Variants in SGCD observed in about 807,000 individuals in gnomAD.
SGCD encodes the protein sarcoglycan delta, also known as delta-sarcoglycan.
Under a neutral mutation model 36.6 loss-of-function variants are expected in SGCD, and 18 were observed. That is an observed-to-expected ratio of 0.49 (90% CI 0.34 to 0.73). The LOEUF (loss-of-function observed/expected upper bound fraction) is 0.73. Among genes scored for constraint, SGCD ranks in the 30% least tolerant of loss-of-function variants. The probability of loss-of-function intolerance (pLI) is 0.01; values close to 1 mark genes in which losing one functional copy is unlikely to be tolerated. For synonymous variants in SGCD, 133 were observed against 130.6 expected (o/e 1.02, Z -0.12); for missense variants, 387 against 346.7 (o/e 1.12, Z -0.92).
At chr5:156,343,329 T>C (rs1443843233) in intron 2 of SGCD, among the ~76,000 whole-genome samples, 1 of 152,172 alleles carries the variant, frequency 6.6e-6, no homozygotes, top group African/African-American at 2.4e-5. Flanking sequence ...ATAAGGGCTG[T>C]ACCATTATCT....
intron 3 of SGCD, among the ~76,000 whole-genome samples, chr5:156,251,025 T>C (rs542099789): frequency 9.9e-4 from 151 of 152,346 alleles, no homozygotes; most frequent in Non-Finnish European, 1.7e-3. Context: ...GCCAAATTAT[T>C]CTTAGGAAAC....
chr5:155,899,876 A>G (rs1357340119), intron 1 of SGCD, among the ~76,000 whole-genome samples: 2 of 152,234 alleles, frequency 1.3e-5, no homozygotes, highest in Non-Finnish European at 2.9e-5. Context: ...GCATGGAATT[A>G]TTACCTAATT....
intron 3 of SGCD, among the ~76,000 whole-genome samples, chr5:156,230,263 C>T (rs1358381292): frequency 6.6e-6 from 1 of 152,080 alleles, no homozygotes; most frequent in East Asian, 1.9e-4. Context: ...ACCTTGTTTT[C>T]CCTTATTACC....
chr5:156,311,877 T>A (rs747251413), intron 3 of SGCD, among the ~76,000 whole-genome samples: 4 of 152,244 alleles, frequency 2.6e-5, no homozygotes, highest in Non-Finnish European at 5.9e-5. Flanking sequence ...GCTGACATCA[T>A]GTTAGTTATT....
At chr5:155,829,108 CT>C in the SGCD span, among the ~76,000 whole-genome samples, 1 of 152,118 alleles carries the variant, frequency 6.6e-6, no homozygotes, top group Non-Finnish European at 1.5e-5. Flanking sequence ...ATTTCTCACT[CT>C]TCTCTCTAAA....
the SGCD span, among the ~76,000 whole-genome samples, chr5:155,842,892 C>T: frequency 6.6e-6 from 1 of 152,218 alleles, no homozygotes; most frequent in Non-Finnish European, 1.5e-5. Flanking sequence ...CTCTATTCTA[C>T]TTCTGTTAAG....
At chr5:156,665,301 A>G (rs1209079727) in intron 7 of SGCD, among the ~76,000 whole-genome samples, 16 of 152,002 alleles carry the variant, frequency 1.1e-4, no homozygotes, top group Admixed American at 9.8e-4. Flanking sequence ...TTAACGTTTC[A>G]GGATATATCA....
intron 7 of SGCD, among the ~76,000 whole-genome samples, chr5:156,735,482 A>T (rs905170543): frequency 1.3e-5 from 2 of 152,108 alleles, no homozygotes; most frequent in Non-Finnish European, 2.9e-5. Flanking sequence ...CTTCCCTGTG[A>T]AGAGGAACAG....
the SGCD span, among the ~76,000 whole-genome samples, chr5:155,858,350 T>C: frequency 1.3e-5 from 2 of 152,234 alleles, no homozygotes; most frequent in African/African-American, 4.8e-5. Flanking sequence ...TATACATACA[T>C]ATATCAAGAC....
At position 155,948,738 on chromosome 5, in the gene SGCD, G is replaced by A. The variant is rs181756126; in HGVS notation, c.-282+78314G>A. ...TGGAGAGAATCAGAAGACCTTAAGA[G>A]ACCTTAAATGCAAATCTTTACTGAA... On this transcript the variant is annotated intron_variant, in intron 1 of 9. Transcript: ENST00000517913. 1.1e-3 allele frequency among the ~76,000 whole-genome samples: 174 copies of A among 152,252 alleles called. 1 individual carries two copies. Among genetic ancestry groups the A allele is most frequent in the African/African-American group, 4.0e-3 (168 of 41,552 alleles).
intron 3 of SGCD, among the ~76,000 whole-genome samples, chr5:156,463,631 T>C (rs1346750232): frequency 2.0e-5 from 3 of 152,038 alleles, no homozygotes; most frequent in Non-Finnish European, 4.4e-5. Flanking sequence ...ATCAAGAGCA[T>C]AAGATTGTGC....
intron 3 of SGCD, among the ~76,000 whole-genome samples, chr5:156,435,372 A>T (rs2127790962): frequency 6.6e-6 from 1 of 152,320 alleles, no homozygotes; most frequent in South Asian, 2.1e-4. Context: ...TCCCCTGAGG[A>T]TATACTAAGG....
chr5:156,758,815 A>T (rs1757436317), intron 8 of SGCD, among the ~76,000 whole-genome samples: 1 of 151,886 alleles, frequency 6.6e-6, no homozygotes, highest in South Asian at 2.1e-4. Flanking sequence ...GCTCACTAGC[A>T]TTTAAAAGTT....
At chr5:156,609,582 A>G (rs569266850) in intron 6 of SGCD, among the ~76,000 whole-genome samples, 17 of 152,224 alleles carry the variant, frequency 1.1e-4, no homozygotes, top group African/African-American at 4.1e-4. Context: ...CTGAATTTGA[A>G]TGTTGGCCTG....
intron 3 of SGCD, among the ~76,000 whole-genome samples, chr5:156,219,172 C>A (rs1027863400): frequency 6.6e-6 from 1 of 152,076 alleles, no homozygotes; most frequent in Non-Finnish European, 1.5e-5. Context: ...TGCAACCTTG[C>A]GAAACTCATT....
chr5:156,480,953 A>G (rs1014920770), intron 3 of SGCD, among the ~76,000 whole-genome samples: 2 of 152,214 alleles, frequency 1.3e-5, no homozygotes, highest in African/African-American at 4.8e-5. Context: ...CTATAAAGTA[A>G]TGGAAAGATG....
chr5:156,288,164 A>G (rs193301880), intron 3 of SGCD, among the ~76,000 whole-genome samples: 4 of 152,306 alleles, frequency 2.6e-5, no homozygotes, highest in African/African-American at 9.6e-5. Flanking sequence ...TAGTTTGGAA[A>G]TAGTCAATTT....
intron 4 of SGCD, among the ~76,000 whole-genome samples, chr5:156,535,752 T>C (rs1328250891): frequency 2.0e-5 from 3 of 152,178 alleles, no homozygotes; most frequent in Admixed American, 6.5e-5. Context: ...CTGTCTATAT[T>C]TGGTGACAGT....
chr5:156,313,779 A>C (rs1767447452), intron 3 of SGCD, among the ~76,000 whole-genome samples: 1 of 152,080 alleles, frequency 6.6e-6, no homozygotes. Context: ...AATGCCATTA[A>C]CAATTTATTC....
Sources: allele counts gnomAD v4.1 joint callset (sites outside exome capture counted in the v4.1 genomes callset), GRCh38; gene constraint gnomAD v4.1.1; transcripts MANE v1.5; gene names NCBI Gene and HGNC (gene_info 2026-07-23, HGNC 2026-07-21).